FRYL: variants seen among roughly 807,000 people sequenced by gnomAD.
FRYL encodes FRY like transcription coactivator.
Under a neutral mutation model 351.2 loss-of-function variants are expected in FRYL, and 150 were observed. The ratio of observed to expected loss-of-function variants is 0.43; its 90% CI spans 0.37 to 0.49. The LOEUF (loss-of-function observed/expected upper bound fraction) is 0.49, where lower values mean the gene tolerates loss of function less well. Ranked by LOEUF, FRYL falls within the 20% of genes least tolerant of loss-of-function variation. The pLI is 0.00. For missense variants in FRYL, 3,036 were observed against 3,619.3 expected (o/e 0.84, Z 4.13); for synonymous variants, 1,153 against 1,257.1 (o/e 0.92, Z 1.75).
At chr4:48,741,716 A>G (rs1274195901) in intron 1 of FRYL, among the ~76,000 whole-genome samples, 1 of 152,000 alleles carries the variant, frequency 6.6e-6, no homozygotes, top group East Asian at 1.9e-4. Context: ...TAATAATAAT[A>G]ATAGTAATAA....
chr4:48,737,629 C>T (rs551914168), intron 1 of FRYL, among the ~76,000 whole-genome samples: 17 of 152,250 alleles, frequency 1.1e-4, no homozygotes, highest in Middle Eastern at 6.8e-3. Flanking sequence ...CATTCTATGA[C>T]GCTAGTATCA....
intron 45 of FRYL, among the ~76,000 whole-genome samples, chr4:48,541,490 T>C (rs1225079864): frequency 1.3e-5 from 2 of 152,342 alleles, no homozygotes; most frequent in Admixed American, 6.5e-5. Context: ...GGGATAGATA[T>C]GTAAATGGAT....
chr4:48,525,443 G>T (rs538776189), intron 53 of FRYL, among the ~76,000 whole-genome samples: 2 of 152,220 alleles, frequency 1.3e-5, no homozygotes, highest in South Asian at 2.1e-4. Flanking sequence ...ATCTGCAGGG[G>T]GCACTGAGGC....
chr4:48,545,971 T>G, intron 42 of FRYL, 96 bp downstream of exon 42: 1 of 1,070,092 alleles, frequency 9.3e-7, no homozygotes. Flanking sequence ...ACATCAATGG[T>G]ATTTCAGACA....
intron 3 of FRYL, chr4:48,637,945 A>T (rs1490437782): frequency 3.9e-5 from 6 of 152,138 alleles, no homozygotes; most frequent in Non-Finnish European, 8.8e-5. Context: ...TCATTACAGC[A>T]GCAGATCTCA....
At chr4:48,646,918 C>G (rs1756609215) in intron 3 of FRYL, among the ~76,000 whole-genome samples, 1 of 152,002 alleles carries the variant, frequency 6.6e-6, no homozygotes, top group Non-Finnish European at 1.5e-5. Flanking sequence ...GTTATCCTGG[C>G]AAACAGTTGA....
At chr4:48,625,247 T>C (rs937742519) in intron 4 of FRYL, among the ~76,000 whole-genome samples, 1 of 152,126 alleles carries the variant, frequency 6.6e-6, no homozygotes, top group Admixed American at 6.6e-5. Flanking sequence ...TAATTTAATC[T>C]CCTCTTTGAC....
chr4:48,745,487 C>A (rs931790093), intron 1 of FRYL, among the ~76,000 whole-genome samples: 2 of 151,920 alleles, frequency 1.3e-5, no homozygotes, highest in African/African-American at 4.8e-5. Context: ...TCATTCTCAG[C>A]AAACTTATCG....
intron 53 of FRYL, among the ~76,000 whole-genome samples, chr4:48,524,932 G>A (rs1382790994): frequency 6.6e-6 from 1 of 151,960 alleles, no homozygotes; most frequent in Admixed American, 6.6e-5. Context: ...TCCTGGCCTT[G>A]GGTAGGGCAG....
intron 3 of FRYL, among the ~76,000 whole-genome samples, chr4:48,643,484 G>T (rs1055663942): frequency 4.6e-5 from 7 of 152,114 alleles, no homozygotes; most frequent in Admixed American, 3.9e-4. Context: ...GTATCCAGCA[G>T]CCAGAGACAA....
chr4:48,570,697 T>C lies in FRYL; in HGVS notation c.2996+130A>G, dbSNP rs77693684. The C allele has an allele frequency of 1.5e-3, 876 of 594,950 alleles. 19 individuals are homozygous for C. The East Asian group carries it at 0.025, about 17-fold the overall frequency. 36.9% of individuals were successfully genotyped at this position (594,950 alleles called of 1,614,324 possible). ...AATGCATATTTATTTGTTAAATAAT[T>C]TTCACAGTGATACATACAGGTTTTC... On this transcript the variant is annotated intron_variant, in intron 27 of 63. Coordinates refer to ENST00000358350, the MANE Select transcript of FRYL (RefSeq NM_015030.2).
At chr4:48,711,670 T>C (rs1191205600) in intron 1 of FRYL, among the ~76,000 whole-genome samples, 1 of 152,244 alleles carries the variant, frequency 6.6e-6, no homozygotes, top group Non-Finnish European at 1.5e-5. Flanking sequence ...CAGTAACCTC[T>C]GCAGACTTAA....
chr4:48,534,157 C>A (rs1402199590), intron 49 of FRYL, among the ~76,000 whole-genome samples: 1 of 152,136 alleles, frequency 6.6e-6, no homozygotes, highest in Non-Finnish European at 1.5e-5. Context: ...ATCCAGGAGG[C>A]AGAGGCTGCA....
Position 48,733,168 on chromosome 4 carries a change from G to A in FRYL, c.-383-22470C>T, listed in dbSNP as rs564209702. ...TAGGCGCCTGTAATCCCAGCCACTC[G>A]GGAGGCTGAGGAAGAAGAATTGCTT... On this transcript the variant is annotated intron_variant, in intron 1 of 63. Coordinates refer to ENST00000358350, the MANE Select transcript of FRYL (RefSeq NM_015030.2). Among the ~76,000 whole-genome samples the A allele has an allele frequency of 1.6e-4, 25 of 151,878 alleles. No individual in the cohort carries two copies. In the South Asian group the frequency reaches 4.4e-3, roughly 27 times the overall value.
chr4:48,550,027 A>G, intron 38 of FRYL, among the ~76,000 whole-genome samples: 1 of 152,182 alleles, frequency 6.6e-6, no homozygotes, highest in Non-Finnish European at 1.5e-5. Context: ...GCTCTACCAC[A>G]GTGGGGCTGC....
chr4:48,616,489 A>G lies in FRYL; in HGVS notation c.411+2785T>C, dbSNP rs946181363. Among the ~76,000 whole-genome samples the G allele has an allele frequency of 1.1e-4, 17 of 152,156 alleles. 1 individual carries two copies. Among genetic ancestry groups the G allele is most frequent in the Admixed American group, 1.1e-3 (17 of 15,282 alleles). Reference sequence around the variant, plus strand: ...ATGATATCACACATTTTTATAGAGGAAGGAAGAGTCAGGGATAATAACTTG... The same window carrying G: ...ATGATATCACACATTTTTATAGAGGGAGGAAGAGTCAGGGATAATAACTTG... On this transcript the variant is annotated intron_variant, in intron 7 of 63. Transcript: ENST00000358350.
chr4:48,710,077 A>C (rs1438624273), intron 2 of FRYL, among the ~76,000 whole-genome samples: 1 of 152,210 alleles, frequency 6.6e-6, no homozygotes, highest in Non-Finnish European at 1.5e-5. Context: ...AAAAGTCAGA[A>C]TATGAAAAGG....
At chr4:48,595,376 CATT>C (rs776921073) in intron 15 of FRYL, among the ~76,000 whole-genome samples, 194 of 152,256 alleles carry the variant, frequency 1.3e-3, no homozygotes, top group Non-Finnish European at 2.2e-3. Context: ...AATGCACTAA[CATT>C]AGGATTATGA....
At chr4:48,779,215 A>G (rs1188605646) in intron 1 of FRYL, among the ~76,000 whole-genome samples, 1 of 152,202 alleles carries the variant, frequency 6.6e-6, no homozygotes, top group Admixed American at 6.5e-5. Context: ...CCCGGAAGCA[A>G]CAACTTCCAT....
Sources: allele counts gnomAD v4.1 joint callset (sites outside exome capture counted in the v4.1 genomes callset), GRCh38; gene constraint gnomAD v4.1.1; transcripts MANE v1.5; gene names NCBI Gene and HGNC (gene_info 2026-07-23, HGNC 2026-07-21).